The following GTPBP4 variants were observed in gnomAD, a reference collection of about 807,000 sequenced individuals.
GTPBP4 encodes GTP binding protein 4.
GTPBP4 carries 15 observed loss-of-function variants against 81.7 expected under a neutral mutation model. The ratio of observed to expected loss-of-function variants is 0.18; its 90% CI spans 0.12 to 0.28. The LOEUF (loss-of-function observed/expected upper bound fraction) is 0.28, where lower values mean the gene tolerates loss of function less well. Ranked by LOEUF, GTPBP4 falls within the 10% of genes least tolerant of loss-of-function variation. The pLI, the probability that GTPBP4 is intolerant of heterozygous loss-of-function variation, is 1.00. For missense variants in GTPBP4, 847 were observed against 793.8 expected (o/e 1.07, Z -0.81); for synonymous variants, 272 against 274.6 (o/e 0.99, Z 0.09).
chr10:1,013,017 T>C (rs1306922419), intron 14 of GTPBP4, among the ~76,000 whole-genome samples: 1 of 152,100 alleles, frequency 6.6e-6, no homozygotes, highest in Non-Finnish European at 1.5e-5. Flanking sequence ...GGAGTCTTGC[T>C]GTGTCTCCCA....
At chr10:1,005,726 A>T in intron 8 of GTPBP4, 92 bp from the exon 9 acceptor site, 1 of 754,722 alleles carries the variant, frequency 1.3e-6, no homozygotes, top group East Asian at 2.5e-5. Flanking sequence ...AGATGTTCAC[A>T]TTTGCAGCCT....
chr10:1,011,473 A>G (rs908688848), intron 13 of GTPBP4, among the ~76,000 whole-genome samples: 7 of 150,630 alleles, frequency 4.6e-5, no homozygotes, highest in African/African-American at 1.7e-4. Flanking sequence ...TTCTGCTCTC[A>G]GCTGAGCTCT....
In GTPBP4 at chr10:999,088, G is replaced by T; in HGVS notation, c.647G>T (p.Arg216Leu). 2 of 1,544,062 alleles carry T rather than the reference G, an allele frequency of 1.3e-6. No individual in the cohort carries two copies. Among genetic ancestry groups the T allele is most frequent in the African/African-American group, 1.4e-5 (1 of 73,678 alleles). ...FVGHMDYKYL[R>L]WQVVDTPGIL... is the part of the protein sequence containing the mutation. ...GGGCACATGGATTATAAGTATCTAC[G>T]TTGGCAGGTGAGAGTCTTGTCTTTA... Residue 216 changes from arginine (R) to leucine (L), a missense_variant, in exon 6 of 17, where the codon CGT becomes CTT. By Grantham distance (102) the Arg-to-Leu change is moderately radical (BLOSUM62 -2). Around this residue, in one of 3 missense-constraint regions of GTPBP4, gnomAD observed 600 missense variants for 557.1 expected, o/e 1.08. Coordinates refer to ENST00000360803, the MANE Select transcript of GTPBP4 (RefSeq NM_012341.3).
rs761774690 is a variant in GTPBP4, at chr10:1,007,118, G to A, written c.1103G>A (p.Arg368Lys). 6.4e-7 allele frequency: 1 copy of A among 1,573,818 alleles called. No individual in the cohort carries two copies. Residue 368 changes from arginine to lysine, a missense_variant, in exon 10 of 17, where the codon AGG (arginine) becomes AAG (lysine). Arg to Lys is a conservative substitution (Grantham distance 26, BLOSUM62 2). Transcript: ENST00000360803. ...NRLHLAIPTR[R>K]DDKERPPFIP... ...CTGCACCTGGCTATCCCAACCAGGAGGGACGATAAGGTAAGACGGCCCCTG... is the reference window on the plus strand; with the variant it reads ...CTGCACCTGGCTATCCCAACCAGGAAGGACGATAAGGTAAGACGGCCCCTG...
At chr10:1,014,697 G>A (rs1216428104) in intron 15 of GTPBP4, among the ~76,000 whole-genome samples, 1 of 152,036 alleles carries the variant, frequency 6.6e-6, no homozygotes, top group African/African-American at 2.4e-5. Flanking sequence ...TTGGAAAGCC[G>A]TGGGAACGTG....
intron 14 of GTPBP4, among the ~76,000 whole-genome samples, chr10:1,013,964 C>A (rs1831927655): frequency 6.6e-6 from 1 of 152,178 alleles, no homozygotes; most frequent in Non-Finnish European, 1.5e-5. Context: ...TGTCTCACCT[C>A]TGATGGAGAC....
At chr10:991,168 C>T (rs1430042399) in intron 1 of GTPBP4, among the ~76,000 whole-genome samples, 1 of 152,178 alleles carries the variant, frequency 6.6e-6, no homozygotes, top group Non-Finnish European at 1.5e-5. Flanking sequence ...CAATACTTGG[C>T]AGACTGTGTT....
Position 1,001,143 on chromosome 10 carries a change from T to G in GTPBP4, c.912+130T>G, listed in dbSNP as rs915224646. ...ATTGTATTTTATAGTTGAGATAATA[T>G]CCTCAGTGGTTTAGTGAAAAGACAT... On this transcript the variant is annotated intron_variant, in intron 8 of 16. Coordinates refer to ENST00000360803, the MANE Select transcript of GTPBP4 (RefSeq NM_012341.3). The G allele has an allele frequency of 2.8e-5, 18 of 651,672 alleles. No individual in the cohort carries two copies. In the Admixed American group the frequency reaches 4.9e-4, roughly 18 times the overall value. 40.4% of individuals were successfully genotyped at this position (651,672 alleles called of 1,614,324 possible).
intron 1 of GTPBP4, among the ~76,000 whole-genome samples, chr10:989,387 T>G (rs1831402289): frequency 6.6e-6 from 1 of 152,180 alleles, no homozygotes; most frequent in Non-Finnish European, 1.5e-5. Flanking sequence ...AGTGCTGGAA[T>G]TACAGGCGTG....
In GTPBP4 at chr10:1,015,817, C is replaced by T. The variant is rs755370801; in HGVS notation, c.1673C>T (p.Ser558Phe). The T allele has an allele frequency of 5.0e-6, 8 of 1,613,862 alleles. No homozygotes were observed. The African/African-American group carries it at 6.7e-5, about 13-fold the overall frequency. Residue 558 changes from serine (S) to phenylalanine (F), a missense_variant, in exon 16 of 17, where the codon TCT becomes TTT. Ser to Phe is a radical substitution (Grantham distance 155, BLOSUM62 -2). Transcript: ENST00000360803. ...SITRKRKREDSAPPSSVARSG... is the reference protein window; with the variant it reads ...SITRKRKREDFAPPSSVARSG... The stretch of plus-strand genomic sequence containing the variant: ...ACTAGGAAAAGAAAGCGGGAAGACT[C>T]TGCTCCCCCGTCCTCTGTGGCCCGG...
chr10:1,016,834 CAG>C (rs1225411777), intron 16 of GTPBP4, among the ~76,000 whole-genome samples: 4 of 151,604 alleles, frequency 2.6e-5, no homozygotes, highest in African/African-American at 7.3e-5. Flanking sequence ...AGAGATGTAA[CAG>C]GGGTAACTGT....
chr10:1,001,905 T>A (rs1447159608), intron 8 of GTPBP4, among the ~76,000 whole-genome samples: 1 of 150,026 alleles, frequency 6.7e-6, no homozygotes, highest in Admixed American at 6.7e-5. Context: ...TGGTCTACAG[T>A]GCACTTTTTT....
rs1410006083 is a variant in GTPBP4 at position 1,017,233 on chromosome 10, G to A, written c.*6G>A. The A allele has an allele frequency of 2.5e-6, 4 of 1,612,822 alleles. No homozygotes were observed. Among genetic ancestry groups the A allele is most frequent in the African/African-American group, 2.7e-5 (2 of 74,866 alleles). On this transcript the variant is annotated 3_prime_UTR_variant, in exon 17 of 17. Coordinates refer to ENST00000360803, the MANE Select transcript of GTPBP4 (RefSeq NM_012341.3). ...GTAAAAAGGACAGGAGATAGTATCC[G>A]TTTGGTTGGCGTGGCTTCGCTAGAG...
In GTPBP4 at chr10:1,019,466, G is replaced by T. The variant is rs41260144; in HGVS notation, c.*2239G>T. On this transcript the variant is annotated 3_prime_UTR_variant, in exon 17 of 17. Coordinates refer to ENST00000360803, the MANE Select transcript of GTPBP4 (RefSeq NM_012341.3). ...GGGTGTATCATTGCCTCAATGGTGC[G>T]TCTGCCTGCACTGAGGGCATTACAC... The T allele has an allele frequency of 0.18, 255,407 of 1,452,298 alleles. 25,297 individuals are homozygous for T. Among genetic ancestry groups the T allele is most frequent in the Non-Finnish European group, 0.21 (219,411 of 1,063,826 alleles). 90.0% of individuals were successfully genotyped at this position (1,452,298 alleles called of 1,614,324 possible). A position where few individuals can be genotyped will look rare whatever the true frequency, so the allele number is the denominator to read the frequency against.
At chr10:997,628 T>G (rs1656823586) in intron 5 of GTPBP4, among the ~76,000 whole-genome samples, 1 of 152,256 alleles carries the variant, frequency 6.6e-6, no homozygotes. Context: ...CTATAATTTC[T>G]AAGGAATTTG....
intron 9 of GTPBP4, among the ~76,000 whole-genome samples, chr10:1,006,302 G>A (rs1391351484): frequency 2.0e-5 from 3 of 152,250 alleles, no homozygotes; most frequent in African/African-American, 4.8e-5. Flanking sequence ...TTCACATGCT[G>A]TCCTAATTAC....
At position 1,012,424 on chromosome 10, in the gene GTPBP4, C is replaced by T. The variant is rs754470862; in HGVS notation, c.1345-41C>T. 10 of 1,394,848 alleles carry T rather than the reference C, an allele frequency of 7.2e-6. No individual in the cohort carries two copies. The South Asian group carries it at 1.1e-4, about 15-fold the overall frequency. The allele number at this position is 1,394,848 out of a possible 1,614,324, so 86.4% of individuals were successfully genotyped here. ...CCACACTCACTGACTCAGGGGTTTTCTCATTGTTAATTTTGCTTCATTACA... is the reference window on the plus strand; with the variant it reads ...CCACACTCACTGACTCAGGGGTTTTTTCATTGTTAATTTTGCTTCATTACA... On this transcript the variant is annotated intron_variant, in intron 13 of 16. Coordinates refer to ENST00000360803, the MANE Select transcript of GTPBP4 (RefSeq NM_012341.3).
intron 6 of GTPBP4, among the ~76,000 whole-genome samples, chr10:1,000,283 GC>G (rs1449856630): frequency 2.3e-5 from 3 of 132,838 alleles, no homozygotes; most frequent in Non-Finnish European, 4.6e-5. Context: ...TGTCACCCAG[GC>G]TGGAGTGCAG....
chr10:1,010,616 C>A lies in GTPBP4; in HGVS notation c.1344+96C>A, dbSNP rs975613391. On this transcript the variant is annotated intron_variant, in intron 13 of 16. Transcript: ENST00000360803. ...ATGGCTTCGGCTCAGCTGGGCCTGT[C>A]CGCTTCATTCTGCACCCCTCCATCC... The A allele has an allele frequency of 3.8e-5, 29 of 764,686 alleles. 1 individual carries two copies. Among genetic ancestry groups the A allele is most frequent in the South Asian group, 2.5e-4 (18 of 71,526 alleles). 47.4% of individuals were successfully genotyped at this position (764,686 alleles called of 1,614,324 possible).
Sources: gnomAD v4.1 joint callset for allele counts (sites outside exome capture counted in the v4.1 genomes callset) on GRCh38, gnomAD v4.1.1 for gene constraint, gnomAD v4.1.1 regional missense constraint, MANE v1.5 for transcripts, NCBI Gene and HGNC (gene_info 2026-07-23, HGNC 2026-07-21) for gene names.